The following XRCC1 variants were observed in gnomAD, a reference collection of about 807,000 sequenced individuals.
XRCC1 encodes the protein X-ray repair cross complementing 1, also known as DNA repair protein XRCC1.
XRCC1 carries 52 observed loss-of-function variants against 83.3 expected under a neutral mutation model. The ratio of observed to expected loss-of-function variants is 0.62; its 90% CI spans 0.50 to 0.79. The LOEUF is 0.79. XRCC1 is among the 30% of genes least tolerant of loss of function. XRCC1 has a pLI of 0.00. For missense variants in XRCC1, 793 were observed against 823.5 expected (o/e 0.96, Z 0.45); for synonymous variants, 281 against 312.6 (o/e 0.90, Z 1.07).
At chr19:43,561,685 A>G (rs558596443) in intron 2 of XRCC1, among the ~76,000 whole-genome samples, 63 of 152,360 alleles carry the variant, frequency 4.1e-4, no homozygotes, top group African/African-American at 1.4e-3. Flanking sequence ...TTGAAAGAAG[A>G]AAAGAGCTAC....
chr19:43,569,107 G>A (rs1416342354), intron 2 of XRCC1, among the ~76,000 whole-genome samples: 4 of 150,598 alleles, frequency 2.7e-5, no homozygotes, highest in South Asian at 4.2e-4. Flanking sequence ...GTGAGACTCC[G>A]TTTAAAAAAG....
Position 43,575,496 on chromosome 19 carries a change from G to A in XRCC1, c.-38C>T, listed in dbSNP as rs1293401851. On this transcript the variant is annotated 5_prime_UTR_variant, in exon 1 of 17. Coordinates refer to ENST00000262887, the MANE Select transcript of XRCC1 (RefSeq NM_006297.3). ...GGCTTCGCCTGGCCAGAAGGATGAG[G>A]TAGAGTATGGGGTCCGAGGGGCAGG... 2 of 1,605,352 alleles carry A rather than the reference G, an allele frequency of 1.2e-6. No homozygotes were observed. The highest frequency in any genetic ancestry group is 2.2e-5 in the East Asian group (1 of 44,680).
At chr19:43,553,179 CA>C in intron 6 of XRCC1, 88 bp from the exon 7 acceptor site, 1 of 1,391,960 alleles carries the variant, frequency 7.2e-7, no homozygotes, top group Non-Finnish European at 9.8e-7. Flanking sequence ...ATATTGTTGC[CA>C]AAACCCACCA....
chr19:43,564,790 A>G (rs972691579), intron 2 of XRCC1, among the ~76,000 whole-genome samples: 3 of 116,712 alleles, frequency 2.6e-5, no homozygotes, highest in Non-Finnish European at 4.2e-5. Context: ...CTCCGTCTCA[A>G]AAAAACAAAA....
intron 13 of XRCC1, 45 bp downstream of exon 13, chr19:43,546,007 T>A (rs1415690490): frequency 1.2e-6 from 2 of 1,613,618 alleles, no homozygotes; most frequent in South Asian, 2.2e-5. Flanking sequence ...CAGCCTCCCC[T>A]ACACCCAAGG....
At chr19:43,548,784 A>AAAAAAAAAAAC (rs752610644) in intron 10 of XRCC1, among the ~76,000 whole-genome samples, 61 of 142,160 alleles carry the variant, frequency 4.3e-4, no homozygotes, top group South Asian at 6.7e-4. Context: ...AAAAAAAAAA[A>AAAAAAAAAAAC]AACACAACAG....
Position 43,548,050 on chromosome 19 carries a change from G to GGCCAGCCCCCGCCCA in XRCC1, c.1200-1074_1200-1073insTGGGCGGGGGCTGGC, listed in dbSNP as rs1446052419. Among the ~76,000 whole-genome samples the GGCCAGCCCCCGCCCA allele has an allele frequency of 5.6e-3, 106 of 19,064 alleles. No homozygotes were observed. In the East Asian group the frequency reaches 0.14, roughly 25 times the overall value. The allele number at this position is 19,064 out of a possible 152,430, so 12.5% of individuals were successfully genotyped here. On this transcript the variant is annotated intron_variant, in intron 10 of 16. Coordinates refer to ENST00000262887, the MANE Select transcript of XRCC1 (RefSeq NM_006297.3). ...GTTCCCGTCCGGGAGGGAGGTGGGG[G>GGCCAGCCCCCGCCCA]GCCAGCCGCCCCGTCGGGGGGGAGG... is the stretch of plus-strand genomic sequence containing the variant.
chr19:43,575,046 C>T (rs1972842166), intron 1 of XRCC1, 44 bp from the exon 2 acceptor site: 1 of 1,489,972 alleles, frequency 6.7e-7, no homozygotes, highest in Non-Finnish European at 9.4e-7. Context: ...ACAGAGATGA[C>T]AGCTAGGCCT....
intron 11 of XRCC1, 24 bp downstream of exon 11, chr19:43,546,860 C>T (rs1285843383): frequency 6.2e-7 from 1 of 1,612,590 alleles, no homozygotes; most frequent in Non-Finnish European, 8.5e-7. Flanking sequence ...TACACCCTCC[C>T]CCACTGGACA....
Position 43,553,062 on chromosome 19 carries a change from A to C in XRCC1, c.631T>G (p.Tyr211Asp). 1.3e-6 allele frequency: 2 copies of C among 1,590,876 alleles called. No homozygotes were observed. Among genetic ancestry groups the C allele is most frequent in the South Asian group, 2.3e-5 (2 of 87,768 alleles). Residue 211 changes from tyrosine (Y) to aspartate (D), a missense_variant, in exon 7 of 17, where the codon TAT becomes GAT. Physicochemically the swap from Tyr to Asp is radical, Grantham distance 160. Transcript: ENST00000262887. ...VTASDPAGPS[Y>D]AAATLQASSA... ...GAAGCCTGGAGGGTAGCAGCTGCAT[A>C]GCTAGGTCCTGCTGGGTCGCTGGCT...
chr19:43,557,790 C>A (rs147967596), intron 3 of XRCC1, among the ~76,000 whole-genome samples: 1 of 23,250 alleles, frequency 4.3e-5, no homozygotes, highest in Non-Finnish European at 8.1e-5. Flanking sequence ...AAAATTCCAT[C>A]TCAAAAAAAA....
chr19:43,557,300 T>A, intron 3 of XRCC1, among the ~76,000 whole-genome samples: 1 of 87,254 alleles, frequency 1.1e-5, no homozygotes, highest in African/African-American at 5.0e-5. Context: ...AGAGCGAGAC[T>A]CCGTCTCAAA....
chr19:43,566,988 G>C (rs983179558), intron 2 of XRCC1, among the ~76,000 whole-genome samples: 1 of 151,674 alleles, frequency 6.6e-6, no homozygotes, highest in Admixed American at 6.6e-5. Context: ...ATATCATCCA[G>C]TTATTTAAAA....
chr19:43,570,160 G>A (rs1357542863), intron 2 of XRCC1, among the ~76,000 whole-genome samples: 1 of 152,158 alleles, frequency 6.6e-6, no homozygotes, highest in African/African-American at 2.4e-5. Flanking sequence ...CCACAGTGGC[G>A]AACTGAGTGA....
rs560874009 is a variant in XRCC1 at position 43,543,973 on chromosome 19, G to A, written c.1712+171C>T. ...GCAAGCAATGCACCCTGGGCTGCCGGTGGTGGGCAAGCTAGCATTCGGATT... is the reference window on the plus strand; with the variant it reads ...GCAAGCAATGCACCCTGGGCTGCCGATGGTGGGCAAGCTAGCATTCGGATT... On this transcript the variant is annotated intron_variant, in intron 15 of 16. Transcript: ENST00000262887. 3.0e-4 allele frequency among the ~76,000 whole-genome samples: 46 copies of A among 152,226 alleles called. No individual in the cohort carries two copies. In the South Asian group the frequency reaches 4.3e-3, roughly 14 times the overall value.
At chr19:43,555,152 T>A (rs989741467) in intron 3 of XRCC1, 6 of 173,154 alleles carry the variant, frequency 3.5e-5, no homozygotes, top group Admixed American at 6.2e-5. Flanking sequence ...CTTTTGGAAA[T>A]GCACAGGTGA....
rs573406645 is a variant in XRCC1, at chr19:43,566,506, T to G, written c.145-5486A>C. On this transcript the variant is annotated intron_variant, in intron 2 of 16. Transcript: ENST00000262887. The stretch of plus-strand genomic sequence containing the variant: ...AAGATCATGCCACTGCATTCCAGCC[T>G]GGGTGGCAGAGCAAGACTCTGTCTC... Among the ~76,000 whole-genome samples the G allele has an allele frequency of 8.2e-5, 11 of 134,004 alleles. No homozygotes were observed. The East Asian group carries it at 1.5e-3, about 18-fold the overall frequency. The allele number at this position is 134,004 out of a possible 152,430, so 87.9% of individuals were successfully genotyped here. A position where few individuals can be genotyped will look rare whatever the true frequency, so the allele number is the denominator to read the frequency against.
chr19:43,552,289 A>G lies in XRCC1; in HGVS notation c.824-14T>C. 1.9e-6 allele frequency: 3 copies of G among 1,567,972 alleles called. No homozygotes were observed. Among genetic ancestry groups the G allele is most frequent in the Non-Finnish European group, 2.6e-6 (3 of 1,155,748 alleles). On this transcript the variant is annotated splice_polypyrimidine_tract_variant and intron_variant, in intron 8 of 16. Coordinates refer to ENST00000262887, the MANE Select transcript of XRCC1 (RefSeq NM_006297.3). ...TTGGAGCTGGCACTGGAGAAGACAA[A>G]GAGTAGATTAGGTTAGCACCACTGG...
chr19:43,554,047 G>A (rs777925511), intron 4 of XRCC1, among the ~76,000 whole-genome samples: 11 of 152,120 alleles, frequency 7.2e-5, no homozygotes, highest in Non-Finnish European at 4.4e-5. Context: ...CTGCCAGCTG[G>A]ATGCAGAGCC....
Sources: gnomAD v4.1 joint callset for allele counts (sites outside exome capture counted in the v4.1 genomes callset) on GRCh38, gnomAD v4.1.1 for gene constraint, MANE v1.5 for transcripts, NCBI Gene and HGNC (gene_info 2026-07-23, HGNC 2026-07-21) for gene names.